The following ABCB11 variants were observed in gnomAD, a reference collection of about 807,000 sequenced individuals.
ABCB11 encodes the protein bile salt export pump.
A neutral mutation model predicts 148.0 loss-of-function variants in ABCB11; 95 were observed. That is an observed-to-expected ratio of 0.64 (90% CI 0.54 to 0.76). The LOEUF (loss-of-function observed/expected upper bound fraction) is 0.76, where lower values mean the gene tolerates loss of function less well. Among genes scored for constraint, ABCB11 ranks in the 30% least tolerant of loss-of-function variants. The pLI is 0.00. For synonymous variants in ABCB11, 591 were observed against 555.4 expected, an observed-to-expected ratio of 1.06 and a Z score of -0.90; for missense variants, 1,523 against 1,617.8, an observed-to-expected ratio of 0.94 and a Z score of 1.01.
rs529818564 is a variant in ABCB11, at chr2:168,933,812, T to C, written c.3057-1279A>G. Among the ~76,000 whole-genome samples the C allele has an allele frequency of 1.2e-4, 19 of 152,336 alleles. 1 individual carries two copies. The South Asian group carries it at 2.9e-3, about 23-fold the overall frequency. ...CAGGCTGGAGTGTAGTGGCATGATC[T>C]CAGCTCACTGTAGCCTCTGCCTCCT... On this transcript the variant is annotated intron_variant, in intron 23 of 27. Coordinates refer to ENST00000650372, the MANE Select transcript of ABCB11 (RefSeq NM_003742.4).
In ABCB11 at chr2:168,969,202, T is replaced by C; in HGVS notation, c.2011+148A>G. ...AACTTGATCAGATAGCTTAGCTTCC[T>C]GAGCTTCAGTTGTTTCCTTTACCAT... On this transcript the variant is annotated intron_variant, in intron 16 of 27. Coordinates refer to ENST00000650372, the MANE Select transcript of ABCB11 (RefSeq NM_003742.4). 3 of 703,952 alleles carry C rather than the reference T, an allele frequency of 4.3e-6. No individual in the cohort carries two copies. In the African/African-American group the frequency reaches 5.4e-5, roughly 13 times the overall value. 43.6% of individuals were successfully genotyped at this position (703,952 alleles called of 1,614,324 possible). A position where few individuals can be genotyped will look rare whatever the true frequency, so the allele number is the denominator to read the frequency against.
At chr2:168,929,072 A>C (rs921956481) in intron 25 of ABCB11, among the ~76,000 whole-genome samples, 1 of 152,190 alleles carries the variant, frequency 6.6e-6, no homozygotes, top group African/African-American at 2.4e-5. Context: ...AGATTATACT[A>C]TTCAGGGAAG....
At chr2:168,949,818 G>A (rs916631419) in intron 19 of ABCB11, among the ~76,000 whole-genome samples, 8 of 151,520 alleles carry the variant, frequency 5.3e-5, no homozygotes, top group East Asian at 3.9e-4. Context: ...TGAATCAGCA[G>A]TATGGGGAAG....
In ABCB11 at chr2:168,958,170, C is replaced by G. The variant is rs181631387; in HGVS notation, c.2179-42G>C. ...GTTATATTAATCATCTAAATGTACT[C>G]AAGACATTTTGCAGCAGATCCTTTG... On this transcript the variant is annotated intron_variant, in intron 18 of 27. Coordinates refer to ENST00000650372, the MANE Select transcript of ABCB11 (RefSeq NM_003742.4). 5.7e-6 allele frequency: 9 copies of G among 1,572,944 alleles called. No individual in the cohort carries two copies. The Middle Eastern group carries it at 9.3e-4, about 163-fold the overall frequency.
At chr2:168,970,416 A>C in intron 14 of ABCB11, 1 of 1,404,760 alleles carries the variant, frequency 7.1e-7, no homozygotes, top group Non-Finnish European at 9.7e-7. Context: ...GAATTGATTT[A>C]TGCTTTTATT....
At chr2:169,018,288 G>T (rs1695426192) in intron 1 of ABCB11, 136 bp from the exon 2 acceptor site, 1 of 730,462 alleles carries the variant, frequency 1.4e-6, no homozygotes, top group African/African-American at 1.8e-5. Context: ...TTTAAAATCG[G>T]TTAATAACTC....
intron 10 of ABCB11, 116 bp downstream of exon 10, chr2:168,985,994 A>G (rs898528206): frequency 2.8e-5 from 25 of 892,280 alleles, no homozygotes; most frequent in Non-Finnish European, 3.9e-5. Context: ...GACTCCATAA[A>G]ATCATTGATG....
chr2:169,024,844 G>T (rs1357123075), intron 1 of ABCB11, among the ~76,000 whole-genome samples: 1 of 152,100 alleles, frequency 6.6e-6, no homozygotes, highest in Non-Finnish European at 1.5e-5. Context: ...AGCATATTAA[G>T]AAGTAGAGTA....
chr2:168,944,672 T>A lies in ABCB11; in HGVS notation c.2543A>T (p.Asp848Val). 1 of 1,612,828 alleles carries A rather than the reference T, an allele frequency of 6.2e-7. No individual in the cohort carries two copies. Among genetic ancestry groups the A allele is most frequent in the South Asian group, 1.1e-5 (1 of 91,014 alleles). Residue 848 changes from aspartate (D) to valine (V), a missense_variant, in exon 21 of 28, where the codon GAT (aspartate) becomes GTT (valine). Transcript: ENST00000650372. ...AMLGQDIAWF[D>V]DLRNSPGALT... is the part of the protein sequence containing the mutation. ...TGCTCCAGGGCTATTTCTGAGGTCATCAAACCAGGCAATATCTTGCCCCAG... is the reference window on the plus strand; with the variant it reads ...TGCTCCAGGGCTATTTCTGAGGTCAACAAACCAGGCAATATCTTGCCCCAG...
Position 168,930,768 on chromosome 2 carries a change from A to G in ABCB11, c.3308T>C (p.Ile1103Thr), listed in dbSNP as rs1480979213. ...SQVLNGLSVS[I>T]SPGQTLAFVG... is the part of the protein sequence containing the mutation. ...AAACGCCAGTGTCTGCCCTGGACTA[A>G]TCGACACTGAGAGACCATTCAGAAC... is the stretch of plus-strand genomic sequence containing the variant. Residue 1103 changes from isoleucine to threonine, a missense_variant, in exon 25 of 28, where the codon ATT (isoleucine) becomes ACT (threonine). By Grantham distance (89) the Ile-to-Thr change is moderately conservative. Transcript: ENST00000650372. 6.8e-6 allele frequency: 11 copies of G among 1,613,724 alleles called. No individual in the cohort carries two copies. The highest frequency in any genetic ancestry group is 1.7e-5 in the Admixed American group (1 of 59,990).
At chr2:168,932,589 C>T (rs1691625363) in intron 23 of ABCB11, 56 bp from the exon 24 acceptor site, 7 of 1,584,144 alleles carry the variant, frequency 4.4e-6, no homozygotes, top group Middle Eastern at 1.7e-4. Context: ...GGTGTGATGA[C>T]CTGAAGGCAG....
chr2:168,995,492 G>T lies in ABCB11; in HGVS notation c.478-10C>A. 6.2e-7 allele frequency: 1 copy of T among 1,607,178 alleles called. No homozygotes were observed. The highest frequency in any genetic ancestry group is 8.5e-7 in the Non-Finnish European group (1 of 1,177,116). The stretch of plus-strand genomic sequence containing the variant: ...TGACCCAAAAGCATATCTGGAAATG[G>T]ACAAAGGAATGTTTAGCATTGCAAT... On this transcript the variant is annotated splice_polypyrimidine_tract_variant and intron_variant, in intron 6 of 27. Transcript: ENST00000650372.
At chr2:168,936,963 A>G (rs1691861371) in intron 21 of ABCB11, among the ~76,000 whole-genome samples, 1 of 152,136 alleles carries the variant, frequency 6.6e-6, no homozygotes, top group Admixed American at 6.5e-5. Context: ...ATTATGGCTC[A>G]CTGTAGCCTT....
At position 168,944,930 on chromosome 2, in the gene ABCB11, C is replaced by G; in HGVS notation, c.2375G>C (p.Arg792Thr). The change falls in exon 20 of 28, where the codon AGG (arginine) becomes ACG (threonine). Residue 792 changes from arginine to threonine, a missense_variant. Coordinates refer to ENST00000650372, the MANE Select transcript of ABCB11 (RefSeq NM_003742.4). ...TFSIPDKEEQ[R>T]SQINGVCLLF... ...TAGGCACACACCATTGATCTGTGACCTTTGTTCCTCTTTATCAGGAATTGA... is the reference window on the plus strand; with the variant it reads ...TAGGCACACACCATTGATCTGTGACGTTTGTTCCTCTTTATCAGGAATTGA... 6.4e-7 allele frequency: 1 copy of G among 1,563,218 alleles called. No homozygotes were observed. The highest frequency in any genetic ancestry group is 8.7e-7 in the Non-Finnish European group (1 of 1,152,886).
rs1477777198 is a variant in ABCB11 at position 168,975,265 on chromosome 2, T to G, written c.1308+1312A>C. Among the ~76,000 whole-genome samples, 3 of 89,298 alleles carry G rather than the reference T, an allele frequency of 3.4e-5. 1 individual carries two copies. Among genetic ancestry groups the G allele is most frequent in the Non-Finnish European group, 6.1e-5 (3 of 49,460 alleles). The allele number at this position is 89,298 out of a possible 152,430, so 58.6% of individuals were successfully genotyped here. A position where few individuals can be genotyped will look rare whatever the true frequency, so the allele number is the denominator to read the frequency against. The stretch of plus-strand genomic sequence containing the variant: ...TTTAAATATTTTTATATTTAAATAT[T>G]TATAGATAAATATATGAATATTTAA... On this transcript the variant is annotated intron_variant, in intron 12 of 27. Coordinates refer to ENST00000650372, the MANE Select transcript of ABCB11 (RefSeq NM_003742.4).
chr2:168,972,994 T>C (rs1460610073), intron 13 of ABCB11, among the ~76,000 whole-genome samples: 1 of 152,042 alleles, frequency 6.6e-6, no homozygotes, highest in East Asian at 1.9e-4. Flanking sequence ...ATCTGACACA[T>C]AATATGTGAT....
In ABCB11 at chr2:168,976,726, A is replaced by T. The variant is rs557377648; in HGVS notation, c.1198-39T>A. 6.7e-6 allele frequency: 8 copies of T among 1,198,782 alleles called. No individual in the cohort carries two copies. The African/African-American group carries it at 7.5e-5, about 11-fold the overall frequency. 74.3% of individuals were successfully genotyped at this position (1,198,782 alleles called of 1,614,324 possible). A position where few individuals can be genotyped will look rare whatever the true frequency, so the allele number is the denominator to read the frequency against. ...CAAAAGGGACACAGTGTAAACTCAA[A>T]CTAAGATGCACAACTCAATTCAAAT... On this transcript the variant is annotated intron_variant, in intron 11 of 27. Coordinates refer to ENST00000650372, the MANE Select transcript of ABCB11 (RefSeq NM_003742.4).
At position 168,923,640 on chromosome 2, in the gene ABCB11, A is replaced by C; in HGVS notation, c.3948T>G (p.Thr1316=). The C allele has an allele frequency of 6.2e-7, 1 of 1,613,824 alleles. No individual in the cohort carries two copies. The highest frequency in any genetic ancestry group is 1.1e-5 in the South Asian group (1 of 91,072). Residue 1316 remains threonine, a synonymous_variant, in exon 28 of 28, where the codon ACT becomes ACG. Coordinates refer to ENST00000650372, the MANE Select transcript of ABCB11 (RefSeq NM_003742.4). The part of the protein sequence containing the change: ...QKGAYYKLVT[T]GSPIS ...CATTGGGTCAACTGATGGGGGATCC[A>C]GTGGTGACTAGTTTGTAGTAGGCTC... is the stretch of plus-strand genomic sequence containing the variant.
exon 3 of ABCB11, among the ~76,000 whole-genome samples, chr2:168,915,559 G>C (rs1690925572): frequency 6.6e-6 from 1 of 152,208 alleles, no homozygotes; most frequent in Admixed American, 6.5e-5. Flanking sequence ...GTAACAAGAT[G>C]GGTGAAGGCA....
Sources: gnomAD v4.1 joint callset for allele counts (sites outside exome capture counted in the v4.1 genomes callset) on GRCh38, gnomAD v4.1.1 for gene constraint, MANE v1.5 for transcripts, NCBI Gene and HGNC (gene_info 2026-07-23, HGNC 2026-07-21) for gene names.